The following SLC24A2 variants were observed in gnomAD, a reference collection of about 807,000 sequenced individuals.
SLC24A2 encodes solute carrier family 24 member 2.
A neutral mutation model predicts 62.0 loss-of-function variants in SLC24A2; 36 were observed. The ratio of observed to expected loss-of-function variants is 0.58; its 90% CI spans 0.44 to 0.77. The LOEUF (loss-of-function observed/expected upper bound fraction) is 0.77, where lower values mean the gene tolerates loss of function less well. SLC24A2 is among the 30% of genes least tolerant of loss of function. The pLI is 0.00. For missense variants in SLC24A2, 846 were observed against 817.9 expected (o/e 1.03, Z -0.42); for synonymous variants, 358 against 294.0 (o/e 1.22, Z -2.23).
At chr9:19,945,689 T>A in the SLC24A2 span, among the ~76,000 whole-genome samples, 3 of 152,202 alleles carry the variant, frequency 2.0e-5, no homozygotes, top group Non-Finnish European at 2.9e-5. Flanking sequence ...AGATGAAGAA[T>A]TGGAGACTCA....
chr9:19,869,943 C>T, the SLC24A2 span, among the ~76,000 whole-genome samples: 1 of 152,194 alleles, frequency 6.6e-6, no homozygotes, highest in Non-Finnish European at 1.5e-5. Context: ...AGTCTCCTAG[C>T]AAGGAACTTG....
the SLC24A2 span, among the ~76,000 whole-genome samples, chr9:20,143,212 C>G: frequency 6.6e-6 from 1 of 152,064 alleles, no homozygotes; most frequent in African/African-American, 2.4e-5. Flanking sequence ...GAAGAGAAAA[C>G]TATTTGTCCA....
At chr9:19,837,223 C>G in the SLC24A2 span, among the ~76,000 whole-genome samples, 1 of 151,480 alleles carries the variant, frequency 6.6e-6, no homozygotes, top group South Asian at 2.1e-4. Context: ...GAGGCCGAGG[C>G]GGGTGGATCA....
chr9:19,868,156 A>G, the SLC24A2 span, among the ~76,000 whole-genome samples: 1 of 152,018 alleles, frequency 6.6e-6, no homozygotes, highest in East Asian at 1.9e-4. Context: ...GCATTCACTA[A>G]TTATACATTA....
At chr9:19,951,834 A>C in the SLC24A2 span, among the ~76,000 whole-genome samples, 2 of 152,220 alleles carry the variant, frequency 1.3e-5, no homozygotes, top group Non-Finnish European at 2.9e-5. Flanking sequence ...CATTTGATAT[A>C]AATTTTAGAA....
the SLC24A2 span, among the ~76,000 whole-genome samples, chr9:20,090,435 C>T: frequency 1.5e-3 from 232 of 152,250 alleles, 1 homozygote; most frequent in African/African-American, 5.5e-3. Flanking sequence ...GGAGCCCACG[C>T]TATCAGAGCA....
chr9:19,892,120 C>A, the SLC24A2 span, among the ~76,000 whole-genome samples: 2 of 152,106 alleles, frequency 1.3e-5, no homozygotes, highest in Non-Finnish European at 2.9e-5. Flanking sequence ...ACTAGTTGTA[C>A]TTCAGGGTCT....
At chr9:19,806,353 G>C in the SLC24A2 span, among the ~76,000 whole-genome samples, 1 of 152,144 alleles carries the variant, frequency 6.6e-6, no homozygotes, top group African/African-American at 2.4e-5. Context: ...TGAGTACAAA[G>C]CTTGAGGGCA....
the SLC24A2 span, among the ~76,000 whole-genome samples, chr9:19,972,218 T>C: frequency 6.6e-6 from 1 of 152,078 alleles, no homozygotes; most frequent in Non-Finnish European, 1.5e-5. Flanking sequence ...AGAGAGCTAC[T>C]GTGGCAATGA....
chr9:19,571,890 G>T (rs922251016), intron 7 of SLC24A2, among the ~76,000 whole-genome samples: 2 of 151,554 alleles, frequency 1.3e-5, no homozygotes, highest in African/African-American at 4.8e-5. Context: ...ACGGTCCTGA[G>T]ATGAAATCTC....
chr9:19,939,454 G>C, the SLC24A2 span, among the ~76,000 whole-genome samples: 2 of 152,138 alleles, frequency 1.3e-5, no homozygotes, highest in Non-Finnish European at 2.9e-5. Context: ...ACATAGAAAA[G>C]GTACAGTAGA....
At chr9:20,226,159 A>C in the SLC24A2 span, among the ~76,000 whole-genome samples, 7 of 152,098 alleles carry the variant, frequency 4.6e-5, no homozygotes, top group African/African-American at 1.7e-4. Flanking sequence ...TGTTTTATGA[A>C]TATGCAAGGA....
At chr9:20,137,593 G>C in the SLC24A2 span, among the ~76,000 whole-genome samples, 1 of 152,156 alleles carries the variant, frequency 6.6e-6, no homozygotes. Flanking sequence ...CTAGGCCACT[G>C]GGCCAGGAAC....
the SLC24A2 span, among the ~76,000 whole-genome samples, chr9:20,087,922 A>T: frequency 6.6e-6 from 1 of 152,168 alleles, no homozygotes; most frequent in African/African-American, 2.4e-5. Context: ...GCGGTGAGTG[A>T]GTGAGCGATC....
the SLC24A2 span, among the ~76,000 whole-genome samples, chr9:19,935,396 T>C: frequency 7.4e-6 from 1 of 135,530 alleles, no homozygotes. Context: ...ACAAAACAAA[T>C]AAACAAACAA....
intron 2 of SLC24A2, among the ~76,000 whole-genome samples, chr9:19,710,569 C>T (rs1432786747): frequency 2.0e-5 from 3 of 152,022 alleles, no homozygotes; most frequent in Admixed American, 6.6e-5. Flanking sequence ...TGTTCAGGTG[C>T]TCAACAAACT....
chr9:19,925,871 T>C, the SLC24A2 span, among the ~76,000 whole-genome samples: 8 of 152,230 alleles, frequency 5.3e-5, no homozygotes, highest in East Asian at 1.9e-4. Flanking sequence ...AATCGTGTGC[T>C]ACACACGTGA....
chr9:19,947,041 C>A, the SLC24A2 span, among the ~76,000 whole-genome samples: 4 of 152,178 alleles, frequency 2.6e-5, no homozygotes, highest in Non-Finnish European at 5.9e-5. Flanking sequence ...ACAGTGACAG[C>A]TTTGCAAATA....
At chr9:20,233,044 G>C in the SLC24A2 span, among the ~76,000 whole-genome samples, 1 of 152,138 alleles carries the variant, frequency 6.6e-6, no homozygotes. Context: ...TTTTGAGTGA[G>C]TTTCTTAATC....
Sources: allele counts gnomAD v4.1 joint callset (sites outside exome capture counted in the v4.1 genomes callset), GRCh38; gene constraint gnomAD v4.1.1; transcripts MANE v1.5; gene names NCBI Gene and HGNC (gene_info 2026-07-23, HGNC 2026-07-21).